The following ABCB1 variants were observed in gnomAD, a reference collection of about 807,000 sequenced individuals.
ABCB1 encodes ATP-dependent translocase ABCB1.
Under a neutral mutation model 142.0 loss-of-function variants are expected in ABCB1, and 69 were observed. The ratio of observed to expected loss-of-function variants is 0.49; its 90% CI spans 0.40 to 0.59. The LOEUF is 0.59. Among genes scored for constraint, ABCB1 ranks in the 20% least tolerant of loss-of-function variants. The pLI is 0.00. For synonymous variants in ABCB1, 532 were observed against 539.2 expected (o/e 0.99, Z 0.18); for missense variants, 1,326 against 1,554.7 (o/e 0.85, Z 2.47).
intron 14 of ABCB1, 33 bp downstream of exon 14, chr7:87,549,314 TA>T: frequency 6.2e-7 from 1 of 1,614,006 alleles, no homozygotes; most frequent in Non-Finnish European, 8.5e-7. Context: ...CTTATGCTTA[TA>T]AATCAGGTTG....
intron 1 of ABCB1, among the ~76,000 whole-genome samples, chr7:87,649,807 T>G (rs1485984961): frequency 1.3e-5 from 2 of 152,176 alleles, no homozygotes; most frequent in African/African-American, 4.8e-5. Flanking sequence ...CAGCGGGCCT[T>G]TCCCATGCTG....
At chr7:87,568,785 C>G (rs1817907225) in intron 5 of ABCB1, among the ~76,000 whole-genome samples, 1 of 152,062 alleles carries the variant, frequency 6.6e-6, no homozygotes, top group Admixed American at 6.6e-5. Flanking sequence ...GTTCATGATA[C>G]AACAAGAGAT....
chr7:87,632,813 T>A (rs1821360237), intron 1 of ABCB1, among the ~76,000 whole-genome samples: 1 of 152,228 alleles, frequency 6.6e-6, no homozygotes, highest in South Asian at 2.1e-4. Flanking sequence ...GGCTTAACAA[T>A]GTCTTATGAG....
chr7:87,523,968 C>T (rs1025434990), intron 21 of ABCB1, among the ~76,000 whole-genome samples: 16 of 152,132 alleles, frequency 1.1e-4, no homozygotes, highest in African/African-American at 3.6e-4. Flanking sequence ...TCTCTTTGGC[C>T]TCTGCACTGG....
chr7:87,683,997 A>G (rs1008021499), intron 1 of ABCB1, among the ~76,000 whole-genome samples: 2 of 152,236 alleles, frequency 1.3e-5, no homozygotes, highest in Admixed American at 1.3e-4. Flanking sequence ...GTACTTGAAA[A>G]TGGATGTATT....
intron 25 of ABCB1, among the ~76,000 whole-genome samples, chr7:87,513,240 C>G (rs1815094891): frequency 1.2e-5 from 1 of 84,494 alleles, no homozygotes; most frequent in African/African-American, 7.0e-5. Context: ...GAGCAAATAG[C>G]CTCCTTTCAC....
chr7:87,513,008 G>C (rs139377583), intron 25 of ABCB1, among the ~76,000 whole-genome samples: 1 of 152,186 alleles, frequency 6.6e-6, no homozygotes, highest in Non-Finnish European at 1.5e-5. Flanking sequence ...CAGGGTCTAC[G>C]AGGGAGATGC....
At chr7:87,521,776 A>G in intron 21 of ABCB1, 1 of 808,094 alleles carries the variant, frequency 1.2e-6, no homozygotes, top group Non-Finnish European at 2.2e-6. Context: ...CCCAACTGTG[A>G]AAAAGATATT....
intron 9 of ABCB1, among the ~76,000 whole-genome samples, chr7:87,552,072 G>A (rs1057317121): frequency 1.3e-5 from 2 of 152,160 alleles, no homozygotes; most frequent in East Asian, 3.8e-4. Context: ...CAGTGTATAT[G>A]AACATTTTTT....
At chr7:87,698,030 G>A (rs1279784049) in intron 1 of ABCB1, among the ~76,000 whole-genome samples, 2 of 152,148 alleles carry the variant, frequency 1.3e-5, no homozygotes, top group African/African-American at 2.4e-5. Flanking sequence ...AGAAAGTGAT[G>A]GAGAGAGATT....
At chr7:87,565,453 C>T (rs1302022094) in intron 7 of ABCB1, 1 of 455,232 alleles carries the variant, frequency 2.2e-6, no homozygotes, top group African/African-American at 2.0e-5. Flanking sequence ...GCCACTTCTA[C>T]CTCTCTGCCT....
At chr7:87,651,548 T>G (rs1313344157) in intron 1 of ABCB1, among the ~76,000 whole-genome samples, 1 of 152,096 alleles carries the variant, frequency 6.6e-6, no homozygotes, top group East Asian at 1.9e-4. Flanking sequence ...TTAGTAACAA[T>G]AAGTACTAAC....
At chr7:87,629,090 G>A in intron 1 of ABCB1, 2 of 758,968 alleles carry the variant, frequency 2.6e-6, no homozygotes, top group Admixed American at 4.3e-5. Context: ...CTGTGAGCGC[G>A]CAGCTCCTTG....
chr7:87,660,878 T>C (rs1026465921), intron 1 of ABCB1, among the ~76,000 whole-genome samples: 5 of 151,998 alleles, frequency 3.3e-5, no homozygotes, highest in Non-Finnish European at 5.9e-5. Context: ...TACCTTTTCA[T>C]ATTTACTTCT....
At chr7:87,539,494 G>GCAC in intron 18 of ABCB1, 149 bp from the exon 19 acceptor site, 1 of 836,496 alleles carries the variant, frequency 1.2e-6, no homozygotes, top group Non-Finnish European at 2.0e-6. Flanking sequence ...GTGTGCCATG[G>GCAC]CACAAGGCTG....
intron 1 of ABCB1, among the ~76,000 whole-genome samples, chr7:87,624,821 G>A (rs1426532665): frequency 6.6e-6 from 1 of 152,102 alleles, no homozygotes; most frequent in African/African-American, 2.4e-5. Flanking sequence ...TATCAAATAA[G>A]GCCCCCATGT....
rs1204008845 is a variant in ABCB1 at position 87,504,429 on chromosome 7, G to A, written c.3657C>T (p.Asp1219=). The change falls in exon 28 of 28, where the codon GAC becomes GAT. Residue 1219 remains aspartate (D), a synonymous_variant. Coordinates refer to ENST00000622132, the MANE Select transcript of ABCB1 (RefSeq NM_001348946.2). The part of the protein sequence containing the change: ...ESEKVVQEAL[D]KAREGRTCIV... ...TGCAGGTGCGGCCTTCTCTGGCTTT[G>A]TCCAGGGCTTCTTGGACAACCTATT... is the stretch of plus-strand genomic sequence containing the variant. 1.2e-6 allele frequency: 2 copies of A among 1,613,976 alleles called. No individual in the cohort carries two copies. Among genetic ancestry groups the A allele is most frequent in the Non-Finnish European group, 1.7e-6 (2 of 1,179,978 alleles).
At chr7:87,706,571 T>C (rs1829605046) in intron 1 of ABCB1, among the ~76,000 whole-genome samples, 1 of 152,148 alleles carries the variant, frequency 6.6e-6, no homozygotes, top group African/African-American at 2.4e-5. Context: ...AACCAAGGCA[T>C]GAGAACTTGA....
At chr7:87,509,584 G>A (rs1390312883) in intron 25 of ABCB1, 103 bp from the exon 26 acceptor site, 23 of 1,256,170 alleles carry the variant, frequency 1.8e-5, no homozygotes, top group Non-Finnish European at 1.9e-5. Flanking sequence ...GTTACTGTGA[G>A]ATTAAGGAAA....
Sources: gnomAD v4.1 joint callset for allele counts (sites outside exome capture counted in the v4.1 genomes callset) on GRCh38, gnomAD v4.1.1 for gene constraint, MANE v1.5 for transcripts, NCBI Gene and HGNC (gene_info 2026-07-23, HGNC 2026-07-21) for gene names.